The following ADCY10 variants were observed in gnomAD, a reference collection of about 807,000 sequenced individuals.
ADCY10 encodes the protein adenylate cyclase type 10.
In ADCY10, 156 loss-of-function variants were observed where a neutral mutation model predicts 183.3. The observed-to-expected ratio is 0.85, with a 90% CI of 0.75 to 0.97. The LOEUF is 0.97. Ranked by LOEUF, ADCY10 falls within the 50% of genes least tolerant of loss-of-function variation. ADCY10 has a pLI of 0.00. For missense variants in ADCY10, 1,745 were observed against 1,934.3 expected (o/e 0.90, Z 1.84); for synonymous variants, 645 against 670.0 (o/e 0.96, Z 0.58).
At chr1:167,876,862 T>C (rs937333460) in intron 12 of ADCY10, among the ~76,000 whole-genome samples, 2 of 152,208 alleles carry the variant, frequency 1.3e-5, no homozygotes, top group Non-Finnish European at 2.9e-5. Context: ...TGCTTTTGCA[T>C]TGGGCCTGCT....
chr1:167,866,720 T>G (rs549754230), intron 14 of ADCY10, among the ~76,000 whole-genome samples: 3 of 144,646 alleles, frequency 2.1e-5, no homozygotes, highest in East Asian at 4.1e-4. Context: ...CCTTAGACAG[T>G]CTAGTCCACA....
intron 6 of ADCY10, among the ~76,000 whole-genome samples, chr1:167,898,611 A>T (rs796496496): frequency 6.6e-6 from 1 of 151,968 alleles, no homozygotes; most frequent in African/African-American, 2.4e-5. Flanking sequence ...TTTTTTTAAA[A>T]AAAGAATGAT....
At chr1:167,871,855 A>G (rs1341039944) in intron 13 of ADCY10, among the ~76,000 whole-genome samples, 1 of 152,138 alleles carries the variant, frequency 6.6e-6, no homozygotes, top group African/African-American at 2.4e-5. Flanking sequence ...TTGAACCTCA[A>G]TTTCGTGAGA....
chr1:167,852,107 G>C (rs1323784196), intron 18 of ADCY10, among the ~76,000 whole-genome samples: 1 of 152,112 alleles, frequency 6.6e-6, no homozygotes, highest in Non-Finnish European at 1.5e-5. Flanking sequence ...AAAAGACACT[G>C]AAGGGTTTTA....
chr1:167,811,034 A>G lies in ADCY10; in HGVS notation c.4483-121T>C, dbSNP rs1662174213. 1.2e-5 allele frequency: 11 copies of G among 926,126 alleles called. No individual in the cohort carries two copies. The East Asian group carries it at 2.9e-4, about 24-fold the overall frequency. 57.4% of individuals were successfully genotyped at this position (926,126 alleles called of 1,614,324 possible). A position where few individuals can be genotyped will look rare whatever the true frequency, so the allele number is the denominator to read the frequency against. ...GATTTAAGCAATCAAGTGAGAAAAT[A>G]CATTATAGAGACATACACAGTAGGT... is the stretch of plus-strand genomic sequence containing the variant. On this transcript the variant is annotated intron_variant, in intron 31 of 32. Coordinates refer to ENST00000367851, the MANE Select transcript of ADCY10 (RefSeq NM_018417.6).
At chr1:167,838,984 C>T (rs923618575) in intron 21 of ADCY10, among the ~76,000 whole-genome samples, 3 of 152,206 alleles carry the variant, frequency 2.0e-5, no homozygotes, top group African/African-American at 7.2e-5. Flanking sequence ...TGACCATACC[C>T]AAAAACATAT....
intron 18 of ADCY10, among the ~76,000 whole-genome samples, chr1:167,849,660 A>G (rs1665321370): frequency 1.3e-5 from 2 of 152,256 alleles, no homozygotes; most frequent in Admixed American, 6.5e-5. Flanking sequence ...AGACAGATAC[A>G]TAAGTAACTA....
intron 15 of ADCY10, among the ~76,000 whole-genome samples, chr1:167,860,660 C>T (rs755361668): frequency 6.6e-5 from 10 of 152,096 alleles, no homozygotes; most frequent in Non-Finnish European, 1.2e-4. Flanking sequence ...CAGCAGATGG[C>T]CATTTGGATT....
At position 167,869,350 on chromosome 1, in the gene ADCY10, G is replaced by T. The variant is rs186928531; in HGVS notation, c.1616+907C>A. Among the ~76,000 whole-genome samples, 493 of 152,214 alleles carry T rather than the reference G, an allele frequency of 3.2e-3. 4 individuals carry two copies. The highest frequency in any genetic ancestry group is 0.012 in the African/African-American group (482 of 41,536). ...CTATATGAATCACTATCAATCTATT[G>T]CACAAGAAGGCATAAGTGGCAAAAA... On this transcript the variant is annotated intron_variant, in intron 14 of 32. Coordinates refer to ENST00000367851, the MANE Select transcript of ADCY10 (RefSeq NM_018417.6).
chr1:167,846,184 G>C lies in ADCY10; in HGVS notation c.2517C>G (p.Thr839=). Residue 839 remains threonine, a synonymous_variant, in exon 20 of 33, where the codon ACC becomes ACG. Coordinates refer to ENST00000367851, the MANE Select transcript of ADCY10 (RefSeq NM_018417.6). ...TCTCAAACAACAACTCAGTGGTGAA[G>C]GTCAGGCCAATGATGGCAGCACATC... ...LVRCAAIIGL[T]FTTELLFEIL... 1 of 1,614,210 alleles carries C rather than the reference G, an allele frequency of 6.2e-7. No homozygotes were observed. The highest frequency in any genetic ancestry group is 1.6e-4 in the Middle Eastern group (1 of 6,062).
chr1:167,835,259 GT>G, intron 23 of ADCY10, among the ~76,000 whole-genome samples: 1 of 152,300 alleles, frequency 6.6e-6, no homozygotes, highest in Middle Eastern at 3.4e-3. Context: ...GAGAAACACA[GT>G]ATGCTTCAGC....
chr1:167,875,125 A>G lies in ADCY10; in HGVS notation c.1462+6T>C, dbSNP rs940198157. 1.2e-6 allele frequency: 2 copies of G among 1,613,474 alleles called. No individual in the cohort carries two copies. Among genetic ancestry groups the G allele is most frequent in the Admixed American group, 3.3e-5 (2 of 60,014 alleles). ...AAGAAGTTTAAAATCAAGGCCTACT[A>G]CCTACCCAGCAAAGGGTAATCCTCC... On this transcript the variant is annotated splice_donor_region_variant and intron_variant, in intron 13 of 32. Transcript: ENST00000367851.
At chr1:167,902,989 T>C (rs1260565748) in intron 3 of ADCY10, among the ~76,000 whole-genome samples, 1 of 152,198 alleles carries the variant, frequency 6.6e-6, no homozygotes, top group African/African-American at 2.4e-5. Context: ...GCATGGTGGC[T>C]TACGCCTATA....
rs182566663 is a variant in ADCY10, at chr1:167,847,565, G to A, written c.2437+796C>T. Among the ~76,000 whole-genome samples, 32 of 151,400 alleles carry A rather than the reference G, an allele frequency of 2.1e-4. 1 individual carries two copies. The East Asian group carries it at 5.1e-3, about 24-fold the overall frequency. Reference sequence around the variant, plus strand: ...TCAGTAGCTGGGATTACATGCATGCGCCACCATGCCCGGCTAATTTTTTTT... The same window carrying A: ...TCAGTAGCTGGGATTACATGCATGCACCACCATGCCCGGCTAATTTTTTTT... On this transcript the variant is annotated intron_variant, in intron 19 of 32. Transcript: ENST00000367851.
At chr1:167,879,663 T>A (rs1286706664) in intron 11 of ADCY10, among the ~76,000 whole-genome samples, 1 of 152,152 alleles carries the variant, frequency 6.6e-6, no homozygotes, top group African/African-American at 2.4e-5. Flanking sequence ...TTGCTGAAAA[T>A]CTTAAACCCT....
intron 8 of ADCY10, among the ~76,000 whole-genome samples, chr1:167,887,591 T>C (rs991838213): frequency 1.3e-5 from 2 of 152,084 alleles, no homozygotes; most frequent in African/African-American, 4.8e-5. Context: ...ATATACCTAA[T>C]GTAAAAGATG....
intron 18 of ADCY10, among the ~76,000 whole-genome samples, chr1:167,851,373 G>A (rs915015934): frequency 6.6e-6 from 1 of 152,112 alleles, no homozygotes; most frequent in South Asian, 2.1e-4. Flanking sequence ...TTTTAGTAGA[G>A]ATGGGGTTTT....
intron 8 of ADCY10, among the ~76,000 whole-genome samples, chr1:167,893,621 G>A (rs377411382): frequency 6.1e-5 from 9 of 147,448 alleles, no homozygotes; most frequent in Admixed American, 1.4e-4. Flanking sequence ...GCTTGAACCC[G>A]GGAGGCGGAG....
intron 19 of ADCY10, among the ~76,000 whole-genome samples, chr1:167,848,109 C>T (rs1370444508): frequency 6.6e-6 from 1 of 151,884 alleles, no homozygotes; most frequent in African/African-American, 2.4e-5. Context: ...ACTCTGTCAC[C>T]CAGGCTGGAG....
Sources: allele counts gnomAD v4.1 joint callset (sites outside exome capture counted in the v4.1 genomes callset), GRCh38; gene constraint gnomAD v4.1.1; transcripts MANE v1.5; gene names NCBI Gene and HGNC (gene_info 2026-07-23, HGNC 2026-07-21).